The following CDH12 variants were observed in gnomAD, a reference collection of about 807,000 sequenced individuals.
The protein encoded by CDH12 is cadherin-12.
A neutral mutation model predicts 74.1 loss-of-function variants in CDH12; 41 were observed. The observed-to-expected ratio is 0.55, with a 90% CI of 0.43 to 0.72. The LOEUF is 0.72. Ranked by LOEUF, CDH12 falls within the 30% of genes least tolerant of loss-of-function variation. The pLI is 0.00. For missense variants in CDH12, 945 were observed against 977.2 expected, an observed-to-expected ratio of 0.97 and a Z score of 0.44; for synonymous variants, 399 against 355.0, an observed-to-expected ratio of 1.12 and a Z score of -1.39.
intron 6 of CDH12, among the ~76,000 whole-genome samples, chr5:21,871,792 G>C (rs573452579): frequency 2.6e-5 from 4 of 152,106 alleles, no homozygotes; most frequent in Non-Finnish European, 5.9e-5. Context: ...CCTGCACCAC[G>C]TGTAGGGTAT....
chr5:22,759,480 A>T lies in CDH12; in HGVS notation c.-523+93578T>A, dbSNP rs115501320. Among the ~76,000 whole-genome samples the T allele has an allele frequency of 4.5e-3, 692 of 152,254 alleles. 3 individuals carry two copies. Among genetic ancestry groups the T allele is most frequent in the African/African-American group, 0.016 (666 of 41,554 alleles). On this transcript the variant is annotated intron_variant, in intron 1 of 14. Coordinates refer to ENST00000382254, the MANE Select transcript of CDH12 (RefSeq NM_004061.5). ...TGAAGACCTCGAAGCAACTGAATAG[A>T]TCTCTCATCAGGACTTACAGCTTAC...
At chr5:22,203,623 T>G (rs1486000269) in intron 4 of CDH12, among the ~76,000 whole-genome samples, 1 of 152,214 alleles carries the variant, frequency 6.6e-6, no homozygotes. Context: ...CAATGGCATT[T>G]TGGGATCATA....
At chr5:22,329,851 G>T (rs1330834515) in intron 3 of CDH12, among the ~76,000 whole-genome samples, 2 of 152,218 alleles carry the variant, frequency 1.3e-5, no homozygotes, top group Non-Finnish European at 2.9e-5. Context: ...GTGGGAACTT[G>T]AGGTTCTTGG....
chr5:22,079,798 T>G (rs548899591), intron 4 of CDH12, among the ~76,000 whole-genome samples: 111 of 152,162 alleles, frequency 7.3e-4, no homozygotes, highest in African/African-American at 2.6e-3. Flanking sequence ...CTGTCTTTAA[T>G]TATGTGGTAG....
At chr5:22,626,079 A>C (rs953425255) in intron 1 of CDH12, among the ~76,000 whole-genome samples, 2 of 152,004 alleles carry the variant, frequency 1.3e-5, no homozygotes, top group Non-Finnish European at 2.9e-5. Flanking sequence ...ACAGGCAGCC[A>C]GCCATGGTGC....
At chr5:22,785,170 T>C (rs1747562151) in intron 1 of CDH12, among the ~76,000 whole-genome samples, 1 of 152,180 alleles carries the variant, frequency 6.6e-6, no homozygotes, top group South Asian at 2.1e-4. Context: ...TCGCCCACTC[T>C]GAGTCTGTGA....
rs574703315 is a variant in CDH12, at chr5:22,031,274, C to A, written c.231+47172G>T. On this transcript the variant is annotated intron_variant, in intron 5 of 14. Coordinates refer to ENST00000382254, the MANE Select transcript of CDH12 (RefSeq NM_004061.5). ...GCTTGAACCCGGGAGGCAGAGGTTG[C>A]AGTGAGCCAAGATCCTGCCACTGAA... Among the ~76,000 whole-genome samples, 3 of 152,072 alleles carry A rather than the reference C, an allele frequency of 2.0e-5. No individual in the cohort carries two copies. The South Asian group carries it at 6.2e-4, about 32-fold the overall frequency.
At chr5:22,478,417 C>CAAAAAAAAAA (rs34576542) in intron 2 of CDH12, among the ~76,000 whole-genome samples, 1 of 88,502 alleles carries the variant, frequency 1.1e-5, no homozygotes, top group Non-Finnish European at 2.1e-5. Context: ...GACTCCGTCT[C>CAAAAAAAAAA]AAAAAAAAAA....
intron 2 of CDH12, among the ~76,000 whole-genome samples, chr5:22,473,071 T>C (rs1746031192): frequency 2.0e-5 from 3 of 152,134 alleles, no homozygotes; most frequent in Non-Finnish European, 2.9e-5. Flanking sequence ...TTGGCCACAA[T>C]GGCTAATGAG....
At chr5:22,308,423 T>C (rs796294305) in intron 3 of CDH12, among the ~76,000 whole-genome samples, 1 of 152,168 alleles carries the variant, frequency 6.6e-6, no homozygotes, top group African/African-American at 2.4e-5. Context: ...TGACCATGTA[T>C]GACTGGGATG....
chr5:22,204,599 T>C (rs1458842426), intron 4 of CDH12, among the ~76,000 whole-genome samples: 3 of 152,256 alleles, frequency 2.0e-5, no homozygotes, highest in Non-Finnish European at 4.4e-5. Flanking sequence ...GTTCTCATTA[T>C]TCCTGGGTTA....
At position 22,393,634 on chromosome 5, in the gene CDH12, A is replaced by G. The variant is rs1742339100; in HGVS notation, c.-333+11623T>C. 2.6e-5 allele frequency among the ~76,000 whole-genome samples: 4 copies of G among 152,176 alleles called. No homozygotes were observed. In the South Asian group the frequency reaches 8.3e-4, roughly 31 times the overall value. Reference sequence around the variant, plus strand: ...GAGAAGCACAATAGAAAATTCCTGAATTGTCTTGAAGAGACTTGGTAGAAA... The same window carrying G: ...GAGAAGCACAATAGAAAATTCCTGAGTTGTCTTGAAGAGACTTGGTAGAAA... On this transcript the variant is annotated intron_variant, in intron 3 of 14. Coordinates refer to ENST00000382254, the MANE Select transcript of CDH12 (RefSeq NM_004061.5).
At chr5:21,975,532 T>C (rs1757033900) in intron 5 of CDH12, 147 bp from the exon 6 acceptor site, 3 of 608,560 alleles carry the variant, frequency 4.9e-6, no homozygotes, top group Non-Finnish European at 8.2e-6. Context: ...TATGGTTCTG[T>C]TTTCTCGTTT....
At position 22,249,569 on chromosome 5, in the gene CDH12, T is replaced by TA. The variant is rs565907275; in HGVS notation, c.-332-36927dup. Among the ~76,000 whole-genome samples, 37 of 152,292 alleles carry TA rather than the reference T, an allele frequency of 2.4e-4. No individual in the cohort carries two copies. In the East Asian group the frequency reaches 3.5e-3, roughly 14 times the overall value. ...TTTTAATACAATTTGAAAGTGACAA[T>TA]AAAATGCTGGCACAGTGCCGCAGCT... is the stretch of plus-strand genomic sequence containing the variant. On this transcript the variant is annotated intron_variant, in intron 3 of 14. Transcript: ENST00000382254.
intron 6 of CDH12, chr5:21,882,600 C>T: frequency 6.3e-7 from 1 of 1,599,018 alleles, no homozygotes; most frequent in East Asian, 2.2e-5. Flanking sequence ...CTTCGGTTAC[C>T]CACAGTCTTT....
intron 2 of CDH12, among the ~76,000 whole-genome samples, chr5:22,426,392 CATAAAT>C (rs1743941702): frequency 6.6e-6 from 1 of 151,664 alleles, no homozygotes; most frequent in Non-Finnish European, 1.5e-5. Context: ...ATAAACTACA[CATAAAT>C]ATAATATTGT....
chr5:22,034,920 G>T (rs76837218), intron 5 of CDH12, among the ~76,000 whole-genome samples: 1 of 152,094 alleles, frequency 6.6e-6, no homozygotes, highest in East Asian at 1.9e-4. Context: ...ATCGGTTAAC[G>T]CCATTGACAG....
intron 3 of CDH12, among the ~76,000 whole-genome samples, chr5:22,370,947 A>T (rs1379531175): frequency 6.6e-6 from 1 of 152,176 alleles, no homozygotes; most frequent in East Asian, 1.9e-4. Context: ...GAGAAGCAGT[A>T]GGAGCAAAAA....
At position 21,869,813 on chromosome 5, in the gene CDH12, A is replaced by G. The variant is rs533494225; in HGVS notation, c.527-15023T>C. Among the ~76,000 whole-genome samples, 2 of 152,318 alleles carry G rather than the reference A, an allele frequency of 1.3e-5. 1 individual carries two copies. The highest frequency in any genetic ancestry group is 4.1e-4 in the South Asian group (2 of 4,830). On this transcript the variant is annotated intron_variant, in intron 6 of 14. Transcript: ENST00000382254. ...GGAAATGCATATGGGTGCCAAGTTAATAAGGGTTGGATTTGTGATGGTTAA... is the reference window on the plus strand; with the variant it reads ...GGAAATGCATATGGGTGCCAAGTTAGTAAGGGTTGGATTTGTGATGGTTAA...
Sources: allele counts gnomAD v4.1 joint callset (sites outside exome capture counted in the v4.1 genomes callset), GRCh38; gene constraint gnomAD v4.1.1; transcripts MANE v1.5; gene names NCBI Gene and HGNC (gene_info 2026-07-23, HGNC 2026-07-21).